Variants in ANKS1B observed in about 807,000 individuals in gnomAD.
The protein encoded by ANKS1B is ankyrin repeat and sterile alpha motif domain-containing protein 1B.
In ANKS1B, 36 loss-of-function variants were observed where a neutral mutation model predicts 148.3. The observed-to-expected ratio is 0.24, with a 90% CI of 0.19 to 0.32. ANKS1B has a LOEUF of 0.32. ANKS1B is among the 10% of genes least tolerant of loss of function. The pLI, the probability that ANKS1B is intolerant of heterozygous loss-of-function variation, is 1.00. For missense variants in ANKS1B, 1,157 were observed against 1,542.6 expected (o/e 0.75, Z 4.19); for synonymous variants, 542 against 560.8 (o/e 0.97, Z 0.47).
chr12:98,735,729 AG>A (rs1336431769), intron 9 of ANKS1B: 1 of 591,494 alleles, frequency 1.7e-6, no homozygotes, highest in Non-Finnish European at 3.2e-6. Flanking sequence ...GCATTGTGGT[AG>A]GTATTGGGAA....
intron 17 of ANKS1B, among the ~76,000 whole-genome samples, chr12:98,880,156 G>T (rs763182829): frequency 6.6e-6 from 1 of 152,180 alleles, no homozygotes; most frequent in Non-Finnish European, 1.5e-5. Flanking sequence ...CTCCCATGGC[G>T]ACAGAGCCCT....
chr12:99,449,895 CTAT>C (rs1317774533), intron 10 of ANKS1B, among the ~76,000 whole-genome samples: 67 of 1,634 alleles, frequency 0.041, no homozygotes, highest in South Asian at 0.39. Context: ...ATCTATCCAT[CTAT>C]CTATCTATCT....
chr12:99,851,254 C>T (rs1453537443), intron 1 of ANKS1B, among the ~76,000 whole-genome samples: 2 of 152,086 alleles, frequency 1.3e-5, no homozygotes, highest in Non-Finnish European at 2.9e-5. Context: ...AACTCCTAAC[C>T]AGAACATGTT....
intron 9 of ANKS1B, among the ~76,000 whole-genome samples, chr12:99,586,259 C>G (rs1307655560): frequency 6.6e-6 from 1 of 152,184 alleles, no homozygotes; most frequent in Non-Finnish European, 1.5e-5. Flanking sequence ...CTCTCAAGTT[C>G]CAAGCTCCAC....
chr12:99,246,398 A>G lies in ANKS1B; in HGVS notation c.2223T>C (p.Asp741=), dbSNP rs545477575. 6 of 1,613,886 alleles carry G rather than the reference A, an allele frequency of 3.7e-6. No homozygotes were observed. The highest frequency in any genetic ancestry group is 3.3e-5 in the Admixed American group (2 of 59,982). Residue 741 remains aspartate (D), a synonymous_variant, in exon 13 of 27, where the codon GAT becomes GAC. Coordinates refer to ENST00000683438, the MANE Select transcript of ANKS1B (RefSeq NM_001352186.2). ...LSKSVSKSDS[D]LIAYPSNEKT... ...TCTCATTGGAAGGATAGGCAATGAG[A>G]TCAGAATCAGATTTAGAGACACTTT...
intron 22 of ANKS1B, chr12:98,795,773 G>C: frequency 2.6e-6 from 1 of 390,860 alleles, no homozygotes; most frequent in Non-Finnish European, 5.0e-6. Flanking sequence ...AGTGTGGGTA[G>C]TGGAGTGGAC....
intron 9 of ANKS1B, among the ~76,000 whole-genome samples, chr12:99,582,847 A>G (rs1409158681): frequency 1.3e-5 from 2 of 152,198 alleles, no homozygotes; most frequent in Admixed American, 6.5e-5. Flanking sequence ...AATAAAAAAA[A>G]TCAAAAGTAT....
chr12:98,858,615 C>T (rs988079605), intron 17 of ANKS1B, among the ~76,000 whole-genome samples: 2 of 152,190 alleles, frequency 1.3e-5, no homozygotes, highest in Non-Finnish European at 2.9e-5. Context: ...GTTGGGACTA[C>T]AGGAGTGAGC....
intron 9 of ANKS1B, among the ~76,000 whole-genome samples, chr12:99,638,900 C>A (rs552784294): frequency 6.6e-6 from 1 of 152,174 alleles, no homozygotes; most frequent in African/African-American, 2.4e-5. Context: ...AGGTACAGCT[C>A]GGGCCATATC....
chr12:99,768,424 G>T (rs972214877), intron 8 of ANKS1B, among the ~76,000 whole-genome samples: 1 of 151,952 alleles, frequency 6.6e-6, no homozygotes, highest in South Asian at 2.1e-4. Flanking sequence ...CGGTGTCCCC[G>T]CCAAGTTTAT....
intron 14 of ANKS1B, among the ~76,000 whole-genome samples, chr12:99,192,366 T>G (rs985310261): frequency 2.0e-5 from 3 of 152,180 alleles, no homozygotes; most frequent in African/African-American, 7.2e-5. Context: ...ACATATGGAT[T>G]ATCTAGGGAG....
At chr12:99,435,340 G>T (rs1028655922) in intron 11 of ANKS1B, among the ~76,000 whole-genome samples, 2 of 152,022 alleles carry the variant, frequency 1.3e-5, no homozygotes, top group Admixed American at 1.3e-4. Context: ...TTGAAGGTGA[G>T]TATCACCCCA....
intron 16 of ANKS1B, among the ~76,000 whole-genome samples, chr12:99,074,379 T>C (rs1398491544): frequency 2.0e-5 from 3 of 150,272 alleles, no homozygotes; most frequent in Non-Finnish European, 4.4e-5. Flanking sequence ...TTGGGAAGAA[T>C]GTAGTAGCCA....
At chr12:99,676,348 G>A (rs955871834) in intron 8 of ANKS1B, among the ~76,000 whole-genome samples, 6 of 152,064 alleles carry the variant, frequency 3.9e-5, no homozygotes, top group Non-Finnish European at 7.4e-5. Flanking sequence ...ACACATCTCT[G>A]TATGACAGGT....
chr12:99,950,113 A>ATTTTTTTTTTTTTT lies in ANKS1B; in HGVS notation c.134+33977_134+33990dup, dbSNP rs35287842. ...AGGTGCACGCCATCATGCTCAGTTA[A>ATTTTTTTTTTTTTT]TTTTTTTTTTTTTTTTTTTTTTTTT... On this transcript the variant is annotated intron_variant, in intron 1 of 26. Transcript: ENST00000683438. Among the ~76,000 whole-genome samples, 71 of 90,544 alleles carry ATTTTTTTTTTTTTT rather than the reference A, an allele frequency of 7.8e-4. 4 individuals are homozygous for ATTTTTTTTTTTTTT. Among genetic ancestry groups the ATTTTTTTTTTTTTT allele is most frequent in the African/African-American group, 3.4e-3 (69 of 20,112 alleles). 59.4% of individuals were successfully genotyped at this position (90,544 alleles called of 152,430 possible).
rs535891613 is a variant in ANKS1B, at chr12:98,888,494, T to C, written c.2779-56358A>G. 3.9e-5 allele frequency among the ~76,000 whole-genome samples: 6 copies of C among 152,324 alleles called. No individual in the cohort carries two copies. In the South Asian group the frequency reaches 1.2e-3, roughly 32 times the overall value. On this transcript the variant is annotated intron_variant, in intron 17 of 26. Coordinates refer to ENST00000683438, the MANE Select transcript of ANKS1B (RefSeq NM_001352186.2). ...ATGTAAAAGGATCACACCTCTGCTT[T>C]ACATTCCCCAGCTGCTTCATATTGT...
intron 14 of ANKS1B, among the ~76,000 whole-genome samples, chr12:99,200,049 A>G (rs1272585673): frequency 6.6e-6 from 1 of 152,234 alleles, no homozygotes; most frequent in Non-Finnish European, 1.5e-5. Context: ...AACTGCTCCT[A>G]GGCTGTTGAG....
In ANKS1B at chr12:98,873,983, T is replaced by C. The variant is rs570134571; in HGVS notation, c.2779-41847A>G. On this transcript the variant is annotated intron_variant, in intron 17 of 26. Coordinates refer to ENST00000683438, the MANE Select transcript of ANKS1B (RefSeq NM_001352186.2). Reference sequence around the variant, plus strand: ...GGCCTGTCGGCAAGTTAGGTGGTGATGATGGAGTCAGGATGACTTGGAAAC... The same window carrying C: ...GGCCTGTCGGCAAGTTAGGTGGTGACGATGGAGTCAGGATGACTTGGAAAC... Among the ~76,000 whole-genome samples the C allele has an allele frequency of 3.3e-5, 5 of 152,266 alleles. No homozygotes were observed. The East Asian group carries it at 9.7e-4, about 29-fold the overall frequency.
intron 10 of ANKS1B, among the ~76,000 whole-genome samples, chr12:99,484,939 A>G (rs1332579382): frequency 6.6e-6 from 1 of 151,658 alleles, no homozygotes; most frequent in Non-Finnish European, 1.5e-5. Flanking sequence ...TCCTGAAGAC[A>G]GCCAATATTT....
Sources: allele counts gnomAD v4.1 joint callset (sites outside exome capture counted in the v4.1 genomes callset), GRCh38; gene constraint gnomAD v4.1.1; transcripts MANE v1.5; gene names NCBI Gene and HGNC (gene_info 2026-07-23, HGNC 2026-07-21).